Variants in CDH13 observed in about 807,000 individuals in gnomAD.
CDH13 encodes the protein cadherin-13.
In CDH13, 24 loss-of-function variants were observed where a neutral mutation model predicts 63.8. The observed-to-expected ratio is 0.38, with a 90% confidence interval of 0.27 to 0.53. CDH13 has a LOEUF of 0.53. Among genes scored for constraint, CDH13 ranks in the 20% least tolerant of loss-of-function variants. The pLI is 0.85. For synonymous variants in CDH13, 503 were observed against 355.3 expected, an observed-to-expected ratio of 1.42 and a Z score of -4.67; for missense variants, 1,049 against 903.1, an observed-to-expected ratio of 1.16 and a Z score of -2.07.
At chr16:83,004,940 C>T (rs1347313271) in intron 2 of CDH13, among the ~76,000 whole-genome samples, 1 of 152,146 alleles carries the variant, frequency 6.6e-6, no homozygotes, top group Non-Finnish European at 1.5e-5. Context: ...ACCTCCTGCA[C>T]CATAGCCAGG....
intron 1 of CDH13, among the ~76,000 whole-genome samples, chr16:82,754,869 C>G (rs1039868918): frequency 3.9e-5 from 6 of 152,232 alleles, no homozygotes; most frequent in African/African-American, 1.4e-4. Flanking sequence ...CTTCATGAGC[C>G]AAGAGTGCAT....
chr16:83,063,217 C>T (rs963983543), intron 3 of CDH13, among the ~76,000 whole-genome samples: 4 of 152,126 alleles, frequency 2.6e-5, no homozygotes, highest in Non-Finnish European at 4.4e-5. Flanking sequence ...CCACCTCAGC[C>T]TCCCAAAGTG....
At chr16:82,779,071 G>T (rs558509585) in intron 1 of CDH13, among the ~76,000 whole-genome samples, 15 of 152,298 alleles carry the variant, frequency 9.8e-5, no homozygotes, top group Admixed American at 5.2e-4. Flanking sequence ...TAAAGTTAGG[G>T]TGGGAGGGAG....
intron 8 of CDH13, among the ~76,000 whole-genome samples, chr16:83,662,555 G>A (rs1913534570): frequency 6.6e-6 from 1 of 152,190 alleles, no homozygotes; most frequent in Non-Finnish European, 1.5e-5. Context: ...TGGCTGCGGA[G>A]ATGAACCACC....
At chr16:83,316,574 G>A (rs1488023977) in intron 5 of CDH13, among the ~76,000 whole-genome samples, 1 of 152,166 alleles carries the variant, frequency 6.6e-6, no homozygotes, top group Non-Finnish European at 1.5e-5. Flanking sequence ...GGTCTAGGGA[G>A]CACAGTAGTG....
chr16:83,695,890 G>C (rs1048632670), intron 10 of CDH13, among the ~76,000 whole-genome samples: 3 of 149,392 alleles, frequency 2.0e-5, no homozygotes, highest in African/African-American at 4.9e-5. Context: ...TTATGCCAAA[G>C]AACTTTTTTT....
chr16:83,082,697 T>A lies in CDH13; in HGVS notation c.367-42688T>A, dbSNP rs114230459. Among the ~76,000 whole-genome samples the A allele has an allele frequency of 3.7e-3, 557 of 152,152 alleles. 6 individuals are homozygous for A. Among genetic ancestry groups the A allele is most frequent in the African/African-American group, 0.013 (527 of 41,506 alleles). The stretch of plus-strand genomic sequence containing the variant: ...GAAAGATCTCACTAAACTGGAGCAA[T>A]GGACTAAAGCCTCAAAGAGGAAATT... On this transcript the variant is annotated intron_variant, in intron 3 of 13. Coordinates refer to ENST00000567109, the MANE Select transcript of CDH13 (RefSeq NM_001257.5).
intron 7 of CDH13, among the ~76,000 whole-genome samples, chr16:83,550,358 A>G (rs566949035): frequency 6.6e-6 from 1 of 152,366 alleles, no homozygotes; most frequent in South Asian, 2.1e-4. Flanking sequence ...AAAGCTTTCC[A>G]GCATCTGCTA....
At chr16:83,679,246 C>T (rs752320638) in intron 10 of CDH13, among the ~76,000 whole-genome samples, 1 of 152,182 alleles carries the variant, frequency 6.6e-6, no homozygotes. Flanking sequence ...AAGATGCCCT[C>T]GTTGGTACAT....
intron 6 of CDH13, among the ~76,000 whole-genome samples, chr16:83,474,454 G>T (rs548569279): frequency 1.3e-5 from 2 of 152,100 alleles, no homozygotes; most frequent in Non-Finnish European, 2.9e-5. Flanking sequence ...ATCTCTGGGG[G>T]AGAGTCTCAG....
intron 5 of CDH13, among the ~76,000 whole-genome samples, chr16:83,242,747 G>A (rs1437972486): frequency 1.3e-5 from 2 of 152,174 alleles, no homozygotes; most frequent in Non-Finnish European, 2.9e-5. Context: ...ACCGATGTTG[G>A]GGAAGACTCT....
At position 83,226,745 on chromosome 16, in the gene CDH13, T is replaced by A. The variant is rs112402192; in HGVS notation, c.636+9248T>A. Among the ~76,000 whole-genome samples, 539 of 152,164 alleles carry A rather than the reference T, an allele frequency of 3.5e-3. 2 individuals are homozygous for A. The highest frequency in any genetic ancestry group is 0.012 in the African/African-American group (507 of 41,520). ...GCCCAGCGAATTTACAGGGAACAAG[T>A]TAAATAACGGGGCAACTGCTCAGAC... On this transcript the variant is annotated intron_variant, in intron 5 of 13. Coordinates refer to ENST00000567109, the MANE Select transcript of CDH13 (RefSeq NM_001257.5).
chr16:82,771,676 T>C (rs2151097524), intron 1 of CDH13, among the ~76,000 whole-genome samples: 1 of 152,340 alleles, frequency 6.6e-6, no homozygotes, highest in East Asian at 1.9e-4. Flanking sequence ...TCTTAAGTGC[T>C]GCCTTAAGTT....
chr16:82,847,770 G>A (rs1024234077), intron 1 of CDH13, among the ~76,000 whole-genome samples: 1 of 152,128 alleles, frequency 6.6e-6, no homozygotes, highest in Non-Finnish European at 1.5e-5. Flanking sequence ...GCATGTGAAG[G>A]CCATTCACTC....
At chr16:82,840,842 G>A (rs1597765378) in intron 1 of CDH13, among the ~76,000 whole-genome samples, 1 of 152,164 alleles carries the variant, frequency 6.6e-6, no homozygotes, top group East Asian at 1.9e-4. Flanking sequence ...TGACTTCTCT[G>A]CAGCTGTTCA....
intron 6 of CDH13, among the ~76,000 whole-genome samples, chr16:83,376,857 A>C (rs1174137859): frequency 6.6e-6 from 1 of 152,166 alleles, no homozygotes; most frequent in Non-Finnish European, 1.5e-5. Context: ...AGGCCTTAAG[A>C]AATGGGTTGA....
In CDH13 at chr16:83,765,075, G is replaced by A. The variant is rs1914273814; in HGVS notation, c.1682-14893G>A. 2.0e-5 allele frequency among the ~76,000 whole-genome samples: 3 copies of A among 152,246 alleles called. No individual in the cohort carries two copies. In the South Asian group the frequency reaches 6.2e-4, roughly 32 times the overall value. ...ATCCCCAGGCAGTTAATTATCCCAA[G>A]CCACAAGTATTTTATTATCACCTCT... On this transcript the variant is annotated intron_variant, in intron 11 of 13. Coordinates refer to ENST00000567109, the MANE Select transcript of CDH13 (RefSeq NM_001257.5).
intron 5 of CDH13, among the ~76,000 whole-genome samples, chr16:83,287,774 G>T (rs1426876010): frequency 6.6e-6 from 1 of 152,010 alleles, no homozygotes; most frequent in African/African-American, 2.4e-5. Context: ...ACCTCCTCCT[G>T]GTCCATGAAA....
intron 2 of CDH13, among the ~76,000 whole-genome samples, chr16:82,965,650 C>T (rs1003680813): frequency 6.6e-6 from 1 of 152,052 alleles, no homozygotes; most frequent in Non-Finnish European, 1.5e-5. Flanking sequence ...CCTGCCATGG[C>T]CAGTATTATT....
Sources: allele counts gnomAD v4.1 joint callset (sites outside exome capture counted in the v4.1 genomes callset), GRCh38; gene constraint gnomAD v4.1.1; transcripts MANE v1.5; gene names NCBI Gene and HGNC (gene_info 2026-07-23, HGNC 2026-07-21).